Variants in GIPC1 observed in about 807,000 individuals in gnomAD.
GIPC1 encodes the protein GIPC PDZ domain containing family member 1, also known as PDZ domain-containing protein GIPC1.
In GIPC1, 15 loss-of-function variants were observed where a neutral mutation model predicts 28.5. The observed-to-expected ratio is 0.53, with a 90% CI of 0.35 to 0.81. GIPC1 has a LOEUF of 0.81. Among genes scored for constraint, GIPC1 ranks in the 30% least tolerant of loss-of-function variants. The pLI is 0.01. For synonymous variants in GIPC1, 224 were observed against 206.1 expected (o/e 1.09, Z -0.74); for missense variants, 439 against 481.9 (o/e 0.91, Z 0.83).
chr19:14,485,849 C>G (rs1191890818), intron 3 of GIPC1, among the ~76,000 whole-genome samples: 1 of 151,412 alleles, frequency 6.6e-6, no homozygotes, highest in Non-Finnish European at 1.5e-5. Context: ...CGGCTCACTG[C>G]AAGCTCCACC....
At chr19:14,489,409 G>C (rs756072951) in intron 3 of GIPC1, 12 of 802,004 alleles carry the variant, frequency 1.5e-5, no homozygotes, top group Admixed American at 5.1e-5. Flanking sequence ...TCACCCTCCT[G>C]AGTTGAAAAA....
At chr19:14,486,864 G>A (rs2071856395) in intron 3 of GIPC1, among the ~76,000 whole-genome samples, 1 of 151,444 alleles carries the variant, frequency 6.6e-6, no homozygotes, top group South Asian at 2.1e-4. Flanking sequence ...GAAGACTCCT[G>A]ACCTCAAGTG....
intron 7 of GIPC1, 21 bp downstream of exon 7, chr19:14,479,391 G>A: frequency 1.0e-6 from 1 of 1,002,982 alleles, no homozygotes; most frequent in Non-Finnish European, 1.4e-6. Flanking sequence ...GCCGGAGATA[G>A]GGTCCGGCTG....
At chr19:14,482,372 T>TA in intron 4 of GIPC1, 1 of 472,412 alleles carries the variant, frequency 2.1e-6, no homozygotes, top group Non-Finnish European at 3.8e-6. Flanking sequence ...ACACCCCTCC[T>TA]AATGCCTGAT....
chr19:14,488,951 G>A (rs374443642), intron 3 of GIPC1, among the ~76,000 whole-genome samples: 26 of 151,222 alleles, frequency 1.7e-4, no homozygotes, highest in Admixed American at 4.6e-4. Context: ...TTTTTAATGG[G>A]GTCTCACTCT....
chr19:14,489,325 G>A (rs1352424505), intron 3 of GIPC1: 7 of 770,970 alleles, frequency 9.1e-6, no homozygotes, highest in South Asian at 2.7e-5. Context: ...GGCCTACCGC[G>A]GTAGCGTGAG....
chr19:14,495,668 C>T (rs2072060478), intron 1 of GIPC1, among the ~76,000 whole-genome samples: 1 of 152,112 alleles, frequency 6.6e-6, no homozygotes, highest in South Asian at 2.1e-4. Context: ...CCCCCAAGGC[C>T]CTGGAGGGTT....
intron 1 of GIPC1, among the ~76,000 whole-genome samples, chr19:14,494,798 T>A (rs2072041976): frequency 6.6e-6 from 1 of 152,036 alleles, no homozygotes; most frequent in Non-Finnish European, 1.5e-5. Context: ...CCCTCACACC[T>A]GAACACAGAG....
At chr19:14,481,282 AT>A (rs532125120) in intron 4 of GIPC1, among the ~76,000 whole-genome samples, 1 of 151,766 alleles carries the variant, frequency 6.6e-6, no homozygotes, top group Non-Finnish European at 1.5e-5. Flanking sequence ...AGTTAAAATA[AT>A]TTTTTTTAGA....
Position 14,480,330 on chromosome 19 carries a change from C to G in GIPC1, c.630G>C (p.Lys210Asn). 6.2e-7 allele frequency: 1 copy of G among 1,611,594 alleles called. No homozygotes were observed. The highest frequency in any genetic ancestry group is 8.5e-7 in the Non-Finnish European group (1 of 1,179,886). Reference protein sequence around the residue: ...ELPRGRTFTLKLTEPRKAFDM... With the variant: ...ELPRGRTFTLNLTEPRKAFDM... ...CGAAGGCCTTGCGAGGCTCCGTGAGCTTCAGCGTGAAGGTACGGCCTCGGG... is the reference window on the plus strand; with the variant it reads ...CGAAGGCCTTGCGAGGCTCCGTGAGGTTCAGCGTGAAGGTACGGCCTCGGG... The change falls in exon 6 of 9, where the codon AAG becomes AAC. Residue 210 changes from lysine to asparagine, a missense_variant. Lys to Asn is a moderately conservative substitution (Grantham distance 94). Coordinates refer to ENST00000393033, the MANE Select transcript of GIPC1 (RefSeq NM_005716.4).
rs1555721822 is a variant in GIPC1, at chr19:14,485,725, A to AGAGAGAGG, written c.-30-2720_-30-2719insCCTCTCTC. ...TATAGAGAGAGAGAGAGAGAGAGAGAGAGAGAGAGAGAGAGACAGAGAGAG... is the reference window on the plus strand; with the variant it reads ...TATAGAGAGAGAGAGAGAGAGAGAGAGAGAGAGGGAGAGAGAGAGAGAGACAGAGAGAG... On this transcript the variant is annotated intron_variant, in intron 3 of 8. Transcript: ENST00000393033. Among the ~76,000 whole-genome samples, 262 of 141,158 alleles carry AGAGAGAGG rather than the reference A, an allele frequency of 1.9e-3. 3 individuals are homozygous for AGAGAGAGG. The highest frequency in any genetic ancestry group is 7.5e-3 in the Admixed American group (100 of 13,322). The allele number at this position is 141,158 out of a possible 152,430, so 92.6% of individuals were successfully genotyped here.
intron 4 of GIPC1, chr19:14,481,731 A>G (rs946498343): frequency 5.3e-5 from 4 of 74,964 alleles, no homozygotes; most frequent in Non-Finnish European, 1.2e-4. Flanking sequence ...AAAAAAAAAA[A>G]AAAAAAAAAA....
Position 14,482,935 on chromosome 19 carries a change from T to C in GIPC1, c.42A>G (p.Leu14=), listed in dbSNP as rs764480755. 1 of 1,611,428 alleles carries C rather than the reference T, an allele frequency of 6.2e-7. No homozygotes were observed. Among genetic ancestry groups the C allele is most frequent in the African/African-American group, 1.3e-5 (1 of 75,024 alleles). Residue 14 remains leucine (L), a synonymous_variant, in exon 4 of 9, where the codon CTA becomes CTG. Transcript: ENST00000393033. ...CTGGCTCAGCCTCCTCATTTTCCACTAGAGGGGGCGCCTTTTTCCGCCGCC... is the reference window on the plus strand; with the variant it reads ...CTGGCTCAGCCTCCTCATTTTCCACCAGAGGGGGCGCCTTTTTCCGCCGCC... The part of the protein sequence containing the change: ...GLGRRKKAPP[L]VENEEAEPGR...
intron 4 of GIPC1, chr19:14,482,294 G>A: frequency 3.5e-6 from 1 of 283,540 alleles, no homozygotes; most frequent in South Asian, 3.7e-5. Flanking sequence ...GTCCATTGGA[G>A]CTCAGGTCTC....
Position 14,478,857 on chromosome 19 carries a change from T to A in GIPC1, c.769-92A>T. 1 of 979,330 alleles carries A rather than the reference T, an allele frequency of 1.0e-6. No homozygotes were observed. The highest frequency in any genetic ancestry group is 1.6e-6 in the Non-Finnish European group (1 of 608,714). 60.7% of individuals were successfully genotyped at this position (979,330 alleles called of 1,614,324 possible). ...TGCCATTGTCACCACTTTACATATA[T>A]TCGTATTTAGACCTCAGGACAACCC... On this transcript the variant is annotated intron_variant, in intron 7 of 8. Transcript: ENST00000393033. The surrounding 1 kb of genome is among the most constrained non-coding windows in gnomAD (Gnocchi z 5.2).
At chr19:14,491,541 G>C (rs1289714702) in intron 3 of GIPC1, 115 bp downstream of exon 3, 1 of 152,316 alleles carries the variant, frequency 6.6e-6, no homozygotes, top group Non-Finnish European at 1.5e-5. Flanking sequence ...TTAGAGGTGT[G>C]AGCCACTGCA....
Position 14,496,056 on chromosome 19 carries a change from G to A in GIPC1, c.-194C>T, listed in dbSNP as rs1326235239. 2.4e-5 allele frequency: 6 copies of A among 246,082 alleles called. No homozygotes were observed. The highest frequency in any genetic ancestry group is 5.5e-5 in the Admixed American group (1 of 18,030). The allele number at this position is 246,082 out of a possible 1,614,324, so 15.2% of individuals were successfully genotyped here. ...ACTCACCTGCTCCGCCGCCGCCGCC[G>A]CCGCCGCCGCCGCCGCCGCTGCCTC... On this transcript the variant is annotated 5_prime_UTR_variant, in exon 1 of 9. Coordinates refer to ENST00000393033, the MANE Select transcript of GIPC1 (RefSeq NM_005716.4).
chr19:14,487,842 A>G (rs2146482944), intron 3 of GIPC1, among the ~76,000 whole-genome samples: 1 of 151,168 alleles, frequency 6.6e-6, no homozygotes, highest in South Asian at 2.1e-4. Flanking sequence ...ATGCCCTGCT[A>G]ATTTTTTTAT....
At position 14,490,549 on chromosome 19, in the gene GIPC1, T is replaced by A. The variant is rs57391410; in HGVS notation, c.-31+1107A>T. On this transcript the variant is annotated intron_variant, in intron 3 of 8. Transcript: ENST00000393033. The stretch of plus-strand genomic sequence containing the variant: ...AAAATTAGCTGGGTGTAGTGGCACA[T>A]GCCTGTAATCCCAGCTACTAGGGAG... 5.0e-3 allele frequency among the ~76,000 whole-genome samples: 729 copies of A among 145,166 alleles called. 26 individuals carry two copies. The East Asian group carries it at 0.098, about 20-fold the overall frequency.
Sources: allele counts gnomAD v4.1 joint callset (sites outside exome capture counted in the v4.1 genomes callset), GRCh38; gene constraint gnomAD v4.1.1; non-coding constraint Gnocchi (gnomAD v3.1); transcripts MANE v1.5; gene names NCBI Gene and HGNC (gene_info 2026-07-23, HGNC 2026-07-21).